Variants in SLC25A53 observed in about 807,000 individuals in gnomAD.
The protein encoded by SLC25A53 is mitochondrial carrier triple repeat protein 6.
SLC25A53 carries 5 observed loss-of-function variants against 15.0 expected under a neutral mutation model. The observed-to-expected ratio is 0.33, with a 90% CI of 0.17 to 0.70. The LOEUF is 0.70. Ranked by LOEUF, SLC25A53 falls within the 30% of genes least tolerant of loss-of-function variation. The pLI is 0.67. For missense variants in SLC25A53, 216 were observed against 241.6 expected (o/e 0.89, Z 0.70); for synonymous variants, 95 against 100.0 (o/e 0.95, Z 0.30).
intron 1 of SLC25A53, among the ~76,000 whole-genome samples, chrX:104,110,558 G>A (rs2075335706): frequency 8.9e-6 from 1 of 112,296 alleles, no homozygotes; most frequent in African/African-American, 3.2e-5. Flanking sequence ...CTGTTTACTT[G>A]CTTCTAAACA....
At chrX:104,105,773 C>G (rs1183119991) in intron 1 of SLC25A53, among the ~76,000 whole-genome samples, 1 of 111,720 alleles carries the variant, frequency 9.0e-6, no homozygotes, top group Non-Finnish European at 1.9e-5. Context: ...GGGGGAATCT[C>G]CCCTCGCCTT....
Position 104,142,622 on chromosome X carries a change from C to T in SLC25A53, c.-32+14256G>A, listed in dbSNP as rs373863082. 2.8e-3 allele frequency among the ~76,000 whole-genome samples: 314 copies of T among 111,134 alleles called. 3 individuals carry two copies. The highest frequency in any genetic ancestry group is 9.6e-3 in the African/African-American group (293 of 30,528). Reference sequence around the variant, plus strand: ...TATTAAATCTTGTTACTCTGATTTCCGGCAAGATAGCCAAACAGGAAAAGC... The same window carrying T: ...TATTAAATCTTGTTACTCTGATTTCTGGCAAGATAGCCAAACAGGAAAAGC... On this transcript the variant is annotated intron_variant, in intron 1 of 1. Coordinates refer to ENST00000594199, the MANE Select transcript of SLC25A53 (RefSeq NM_001012755.5).
At chrX:104,136,856 T>C (rs2075437932) in intron 1 of SLC25A53, among the ~76,000 whole-genome samples, 1 of 111,927 alleles carries the variant, frequency 8.9e-6, no homozygotes, top group Non-Finnish European at 1.9e-5. Flanking sequence ...TTTGTAAGTG[T>C]CGTACCTAGA....
chrX:104,129,627 A>AGGTCTATG (rs1311570889), intron 1 of SLC25A53, among the ~76,000 whole-genome samples: 1 of 110,681 alleles, frequency 9.0e-6, no homozygotes, highest in Non-Finnish European at 1.9e-5. Flanking sequence ...CACTCTGTGC[A>AGGTCTATG]GGTCTATGAA....
At chrX:104,124,839 CTTTTT>C (rs34662574) in intron 1 of SLC25A53, among the ~76,000 whole-genome samples, 50 of 62,289 alleles carry the variant, frequency 8.0e-4, no homozygotes, top group African/African-American at 2.7e-3. Flanking sequence ...AACTTTTTTC[CTTTTT>C]TTTTTTTTTT....
At chrX:104,127,525 C>T (rs180733619) in intron 1 of SLC25A53, among the ~76,000 whole-genome samples, 17 of 112,215 alleles carry the variant, frequency 1.5e-4, no homozygotes, top group Admixed American at 1.5e-3. Flanking sequence ...AGTTAACAAT[C>T]TTGTAATAAT....
intron 1 of SLC25A53, among the ~76,000 whole-genome samples, chrX:104,132,558 C>A (rs1437029207): frequency 8.9e-6 from 1 of 112,276 alleles, no homozygotes; most frequent in African/African-American, 3.2e-5. Flanking sequence ...ATTCTGGCTT[C>A]TAGTAAATGA....
intron 1 of SLC25A53, among the ~76,000 whole-genome samples, chrX:104,136,729 A>T (rs1212892526): frequency 8.9e-6 from 1 of 112,162 alleles, no homozygotes; most frequent in Non-Finnish European, 1.9e-5. Flanking sequence ...AACTGCTCAA[A>T]GTTAATCATA....
intron 1 of SLC25A53, among the ~76,000 whole-genome samples, chrX:104,153,187 G>A (rs1556370716): frequency 9.0e-6 from 1 of 110,817 alleles, no homozygotes; most frequent in East Asian, 2.8e-4. Flanking sequence ...GAAATCCATC[G>A]TTAGGCAATT....
chrX:104,124,526 T>C (rs138189844), intron 1 of SLC25A53, among the ~76,000 whole-genome samples: 297 of 110,978 alleles, frequency 2.7e-3, no homozygotes, highest in East Asian at 0.024. Context: ...TGGAGGAGGA[T>C]TGCTTGAGGC....
chrX:104,151,355 A>ACCT (rs1270129606), intron 1 of SLC25A53, among the ~76,000 whole-genome samples: 6 of 110,142 alleles, frequency 5.4e-5, no homozygotes, highest in Admixed American at 2.9e-4. Flanking sequence ...TATTTCTGCC[A>ACCT]CCTCCTCCTC....
chrX:104,107,257 C>T (rs2075316408), intron 1 of SLC25A53, among the ~76,000 whole-genome samples: 2 of 112,313 alleles, frequency 1.8e-5, no homozygotes, highest in African/African-American at 6.5e-5. Flanking sequence ...CAGATGGAGG[C>T]TCAGCCTCCT....
chrX:104,153,645 A>C (rs782510222), intron 1 of SLC25A53, among the ~76,000 whole-genome samples: 2 of 111,906 alleles, frequency 1.8e-5, no homozygotes, highest in Non-Finnish European at 3.8e-5. Context: ...GGAGGTGTGA[A>C]CTCCACTGTA....
chrX:104,134,694 C>G (rs919146020), intron 1 of SLC25A53, among the ~76,000 whole-genome samples: 1 of 111,461 alleles, frequency 9.0e-6, no homozygotes, highest in Admixed American at 9.5e-5. Flanking sequence ...TTCAAGGCGT[C>G]TCAATTTTAC....
chrX:104,144,782 T>C (rs1382585853), intron 1 of SLC25A53, among the ~76,000 whole-genome samples: 2 of 111,576 alleles, frequency 1.8e-5, no homozygotes, highest in Non-Finnish European at 3.8e-5. Context: ...TAAATATACA[T>C]GCACCCAATA....
chrX:104,106,383 G>A (rs2075310293), intron 1 of SLC25A53, among the ~76,000 whole-genome samples: 2 of 111,438 alleles, frequency 1.8e-5, no homozygotes, highest in South Asian at 7.6e-4. Context: ...GACGAGACAG[G>A]GTGTGCAGAA....
At chrX:104,147,556 C>A (rs1185035642) in intron 1 of SLC25A53, among the ~76,000 whole-genome samples, 2 of 101,779 alleles carry the variant, frequency 2.0e-5, no homozygotes, top group Non-Finnish European at 4.0e-5. Flanking sequence ...ACTCATCTGA[C>A]AAAGGGCTAA....
At chrX:104,126,906 G>T (rs782286831) in intron 1 of SLC25A53, among the ~76,000 whole-genome samples, 21 of 112,149 alleles carry the variant, frequency 1.9e-4, no homozygotes, top group African/African-American at 6.5e-4. Context: ...ATGATGTTAG[G>T]AATATAAAAT....
chrX:104,122,307 T>G (rs1314500135), intron 1 of SLC25A53, among the ~76,000 whole-genome samples: 2 of 92,540 alleles, frequency 2.2e-5, no homozygotes, highest in Non-Finnish European at 4.4e-5. Context: ...TTTTTTTGTT[T>G]TTTTTTTTTG....
Sources: gnomAD v4.1 joint callset for allele counts (sites outside exome capture counted in the v4.1 genomes callset) on GRCh38, gnomAD v4.1.1 for gene constraint, MANE v1.5 for transcripts, NCBI Gene and HGNC (gene_info 2026-07-23, HGNC 2026-07-21) for gene names.